CHD6: variants seen among roughly 807,000 people sequenced by gnomAD.
The protein encoded by CHD6 is chromodomain helicase DNA binding protein 6.
In CHD6, 50 loss-of-function variants were observed where a neutral mutation model predicts 276.9. The observed-to-expected ratio is 0.18, with a 90% CI of 0.14 to 0.23. The LOEUF (loss-of-function observed/expected upper bound fraction) is 0.23, where lower values mean the gene tolerates loss of function less well. CHD6 is among the 10% of genes least tolerant of loss of function. The pLI is 1.00. For synonymous variants in CHD6, 1,173 were observed against 1,229.3 expected (o/e 0.95, Z 0.96); for missense variants, 2,564 against 3,365.8 (o/e 0.76, Z 5.89).
Position 41,413,389 on chromosome 20 carries a change from T to C in CHD6, c.7066A>G (p.Lys2356Glu). 1.2e-6 allele frequency: 2 copies of C among 1,612,122 alleles called. No homozygotes were observed. The highest frequency in any genetic ancestry group is 2.2e-5 in the South Asian group (2 of 90,960). Reference protein sequence around the residue: ...SSQAEKSIPSKSLLDWLRQQA... With the variant: ...SSQAEKSIPSESLLDWLRQQA... ...TGCCTTAGCCAGTCAAGCAGACTCT[T>C]GCTGGGAATGGATTTCTCGGCTTGG... The change falls in exon 35 of 37, where the codon AAG becomes GAG. Residue 2356 changes from lysine to glutamate, a missense_variant. Coordinates refer to ENST00000373233, the MANE Select transcript of CHD6 (RefSeq NM_032221.5).
chr20:41,550,876 A>C (rs565605184), intron 2 of CHD6, among the ~76,000 whole-genome samples: 5 of 152,344 alleles, frequency 3.3e-5, no homozygotes, highest in Non-Finnish European at 7.3e-5. Context: ...ATATTTCACT[A>C]TTCTCTCTAG....
intron 3 of CHD6, among the ~76,000 whole-genome samples, chr20:41,524,644 G>A (rs1209525460): frequency 3.9e-5 from 6 of 152,056 alleles, no homozygotes; most frequent in African/African-American, 1.4e-4. Flanking sequence ...CCCCAAATAC[G>A]CTCATGCTTC....
intron 10 of CHD6, 108 bp downstream of exon 10, chr20:41,493,430 A>G: frequency 8.6e-7 from 1 of 1,158,086 alleles, no homozygotes; most frequent in South Asian, 1.5e-5. Flanking sequence ...AACAAAGGTA[A>G]AATACCACAG....
intron 1 of CHD6, among the ~76,000 whole-genome samples, chr20:41,617,895 C>CCCCCG (rs1324286922): frequency 6.7e-6 from 1 of 148,664 alleles, no homozygotes; most frequent in African/African-American, 2.4e-5. Context: ...ATAGCGGTCA[C>CCCCCG]CCCCGCCCCG....
chr20:41,572,006 A>C (rs2045422710), intron 1 of CHD6, among the ~76,000 whole-genome samples: 1 of 152,236 alleles, frequency 6.6e-6, no homozygotes, highest in African/African-American at 2.4e-5. Context: ...TGTGCCTTAT[A>C]AAAGTGGAAT....
chr20:41,404,655 T>C lies in CHD6; in HGVS notation c.8086A>G (p.Arg2696Gly), dbSNP rs200359247. The C allele has an allele frequency of 3.4e-4, 521 of 1,530,850 alleles. 1 individual carries two copies. The highest frequency in any genetic ancestry group is 2.4e-4 in the Non-Finnish European group (268 of 1,139,156). The allele number at this position is 1,530,850 out of a possible 1,614,324, so 94.8% of individuals were successfully genotyped here. ...TCCCCAGCCTGTGCCCCATGTTCTC[T>C]CTCTGCGGGCAAAGGGGCACTGGGT... ...AEPSAPLPAE[R>G]EHGAQAGEGA... is the part of the protein sequence containing the mutation. Residue 2696 changes from arginine to glycine, a missense_variant, in exon 37 of 37, where the codon AGA (arginine) becomes GGA (glycine). By Grantham distance (125) the Arg-to-Gly change is moderately radical. This residue lies in a region of CHD6 where 238 missense variants were observed against 266.0 expected (regional missense o/e 0.89). Transcript: ENST00000373233.
At chr20:41,598,468 G>A (rs925459588) in intron 1 of CHD6, among the ~76,000 whole-genome samples, 6 of 152,138 alleles carry the variant, frequency 3.9e-5, no homozygotes, top group Admixed American at 2.6e-4. Flanking sequence ...GACTGTTAAC[G>A]CTTGTGCAAC....
chr20:41,453,184 GTT>G (rs2048290398), intron 20 of CHD6, among the ~76,000 whole-genome samples: 1 of 152,046 alleles, frequency 6.6e-6, no homozygotes, highest in Non-Finnish European at 1.5e-5. Context: ...ACCATCTGTT[GTT>G]TCTGCAGTCA....
In CHD6 at chr20:41,420,561, A is replaced by G; in HGVS notation, c.6074T>C (p.Met2025Thr). 1.2e-6 allele frequency: 2 copies of G among 1,613,922 alleles called. No homozygotes were observed. The highest frequency in any genetic ancestry group is 1.7e-6 in the Non-Finnish European group (2 of 1,179,980). The change falls in exon 31 of 37, where the codon ATG becomes ACG. Residue 2025 changes from methionine to threonine, a missense_variant. Met to Thr is a moderately conservative substitution (Grantham distance 81). Transcript: ENST00000373233. ...LEGSELKSED[M>T]DFENKDDYDR... ...ATAATCATCTTTATTCTCAAAATCCATGTCTTCTGATTTGAGCTCACTTCC... is the reference window on the plus strand; with the variant it reads ...ATAATCATCTTTATTCTCAAAATCCGTGTCTTCTGATTTGAGCTCACTTCC...
intron 3 of CHD6, among the ~76,000 whole-genome samples, chr20:41,517,379 G>C (rs1456302768): frequency 6.6e-6 from 1 of 152,116 alleles, no homozygotes; most frequent in Non-Finnish European, 1.5e-5. Flanking sequence ...CAACCACCAT[G>C]ACATAAGTTT....
rs778106006 is a variant in CHD6, at chr20:41,421,439, T to G, written c.5196A>C (p.Lys1732Asn). Residue 1732 changes from lysine to asparagine, a missense_variant, in exon 31 of 37, where the codon AAA (lysine) becomes AAC (asparagine). Coordinates refer to ENST00000373233, the MANE Select transcript of CHD6 (RefSeq NM_032221.5). The part of the protein sequence containing the change: ...ESPSTNTESR[K>N]DVITISISKD... ...TGCTTATTGAGATGGTAATAACATC[T>G]TTTCTAGATTCAGTATTGGTACTTG... 1 of 1,614,184 alleles carries G rather than the reference T, an allele frequency of 6.2e-7. No homozygotes were observed. The highest frequency in any genetic ancestry group is 8.5e-7 in the Non-Finnish European group (1 of 1,180,036).
chr20:41,493,705 C>T (rs1236192484), intron 9 of CHD6, 33 bp from the exon 10 acceptor site: 1 of 1,611,142 alleles, frequency 6.2e-7, no homozygotes, highest in Non-Finnish European at 8.5e-7. Flanking sequence ...ACTTAATGTT[C>T]TATTAGGTTA....
intron 12 of CHD6, 58 bp from the exon 13 acceptor site, chr20:41,488,662 T>C (rs918545875): frequency 2.7e-6 from 4 of 1,502,648 alleles, no homozygotes; most frequent in East Asian, 4.5e-5. Flanking sequence ...ATTCTGCTAA[T>C]ATCTGCTGGA....
intron 24 of CHD6, among the ~76,000 whole-genome samples, chr20:41,447,582 C>T (rs900953229): frequency 1.3e-5 from 2 of 152,198 alleles, no homozygotes; most frequent in African/African-American, 2.4e-5. Flanking sequence ...AACCGACACT[C>T]GTTCTACAGT....
intron 33 of CHD6, among the ~76,000 whole-genome samples, chr20:41,415,866 G>C (rs1197479703): frequency 6.6e-6 from 1 of 152,166 alleles, no homozygotes; most frequent in Non-Finnish European, 1.5e-5. Flanking sequence ...AGGTTTCCAG[G>C]TGCTGCTAAA....
chr20:41,517,835 C>A (rs6016575), intron 3 of CHD6, among the ~76,000 whole-genome samples: 9 of 152,348 alleles, frequency 5.9e-5, no homozygotes, highest in African/African-American at 1.9e-4. Context: ...GGCTTACGCT[C>A]AGGTCAGCTG....
chr20:41,541,266 T>A (rs2044937412), intron 2 of CHD6, among the ~76,000 whole-genome samples: 1 of 152,230 alleles, frequency 6.6e-6, no homozygotes, highest in Non-Finnish European at 1.5e-5. Flanking sequence ...TTCAACTTTA[T>A]GATGGGTTTG....
At chr20:41,437,186 C>T in intron 27 of CHD6, 88 bp downstream of exon 27, 1 of 995,276 alleles carries the variant, frequency 1.0e-6, no homozygotes. Context: ...GTAATGCAAT[C>T]AAGTTCCCCC....
At chr20:41,481,118 A>AT (rs2043285540) in intron 16 of CHD6, among the ~76,000 whole-genome samples, 1 of 149,448 alleles carries the variant, frequency 6.7e-6, no homozygotes, top group African/African-American at 2.4e-5. Context: ...AAAAGAAAAA[A>AT]AAATATATAT....
Sources: allele counts gnomAD v4.1 joint callset (sites outside exome capture counted in the v4.1 genomes callset), GRCh38; gene constraint gnomAD v4.1.1; regional missense constraint gnomAD v4.1.1; transcripts MANE v1.5; gene names NCBI Gene and HGNC (gene_info 2026-07-23, HGNC 2026-07-21).